RGS21: variants seen among roughly 807,000 people sequenced by gnomAD.
RGS21 encodes regulator of G protein signaling 21, also known as regulator of G-protein signalling 21.
Under a neutral mutation model 18.7 loss-of-function variants are expected in RGS21, and 19 were observed. The ratio of observed to expected loss-of-function variants is 1.01; its 90% CI spans 0.71 to 1.49. The LOEUF (loss-of-function observed/expected upper bound fraction) is 1.49. Ranked by LOEUF, RGS21 falls within the 40% of genes most tolerant of loss-of-function variation. The pLI is 0.00. For synonymous variants in RGS21, 56 were observed against 57.8 expected, an observed-to-expected ratio of 0.97 and a Z score of 0.14; for missense variants, 194 against 176.8, an observed-to-expected ratio of 1.10 and a Z score of -0.55.
intron 1 of RGS21, among the ~76,000 whole-genome samples, chr1:192,328,519 C>T (rs1658601266): frequency 6.6e-6 from 1 of 152,086 alleles, no homozygotes; most frequent in African/African-American, 2.4e-5. Context: ...CTATGCTAGG[C>T]CATTATATTA....
chr1:192,349,833 C>T (rs1415900496), intron 3 of RGS21, among the ~76,000 whole-genome samples: 1 of 152,138 alleles, frequency 6.6e-6, no homozygotes, highest in East Asian at 1.9e-4. Context: ...TGATCTCTAA[C>T]TTCCCATCTC....
chr1:192,343,456 G>T (rs1658903552), intron 2 of RGS21, among the ~76,000 whole-genome samples: 1 of 152,074 alleles, frequency 6.6e-6, no homozygotes. Flanking sequence ...CTCCTTGCTT[G>T]AGTTTTCCAT....
intron 4 of RGS21, among the ~76,000 whole-genome samples, chr1:192,362,859 A>T (rs1571465134): frequency 6.6e-6 from 1 of 152,168 alleles, no homozygotes; most frequent in East Asian, 1.9e-4. Flanking sequence ...TTCACTGCTT[A>T]TACATGTATT....
chr1:192,332,111 C>T (rs925856768), intron 1 of RGS21, among the ~76,000 whole-genome samples: 1 of 151,918 alleles, frequency 6.6e-6, no homozygotes, highest in African/African-American at 2.4e-5. Context: ...AGAAAACAGA[C>T]TTGAAAAGAG....
At chr1:192,318,928 A>C (rs977562014) in intron 1 of RGS21, among the ~76,000 whole-genome samples, 22 of 152,066 alleles carry the variant, frequency 1.4e-4, no homozygotes, top group African/African-American at 5.3e-4. Flanking sequence ...GGCAGAATAA[A>C]ATCCATTTTA....
chr1:192,349,614 G>C (rs142600494), intron 3 of RGS21, among the ~76,000 whole-genome samples: 1 of 152,076 alleles, frequency 6.6e-6, no homozygotes, highest in African/African-American at 2.4e-5. Context: ...GGCATCTTTT[G>C]AACATTCAAA....
chr1:192,344,274 A>G lies in RGS21; in HGVS notation c.11+1227A>G, dbSNP rs111880370. On this transcript the variant is annotated intron_variant, in intron 2 of 4. Coordinates refer to ENST00000417209, the MANE Select transcript of RGS21 (RefSeq NM_001039152.3). ...TTAGGTAGTTATTATAAATGTTCCA[A>G]AACATGAATAAAGTACAAATATATA... 1.4e-3 allele frequency among the ~76,000 whole-genome samples: 210 copies of G among 152,214 alleles called. 3 individuals are homozygous for G. The highest frequency in any genetic ancestry group is 4.7e-3 in the African/African-American group (197 of 41,568).
chr1:192,339,635 C>T (rs550748023), intron 1 of RGS21, among the ~76,000 whole-genome samples: 5 of 152,100 alleles, frequency 3.3e-5, no homozygotes, highest in African/African-American at 1.2e-4. Context: ...AGACGTAATA[C>T]CAATGATGTT....
chr1:192,352,082 G>A lies in RGS21; in HGVS notation c.124G>A (p.Glu42Lys), dbSNP rs754334215. 6.2e-7 allele frequency: 1 copy of A among 1,601,058 alleles called. No homozygotes were observed. Among genetic ancestry groups the A allele is most frequent in the Non-Finnish European group, 8.5e-7 (1 of 1,175,492 alleles). Residue 42 changes from glutamate (E) to lysine (K), a missense_variant, in exon 4 of 5, where the codon GAG becomes AAG. Glu to Lys is a moderately conservative substitution (Grantham distance 56, BLOSUM62 1). Coordinates refer to ENST00000417209, the MANE Select transcript of RGS21 (RefSeq NM_001039152.3). ...LDAFRIFLKS[E>K]FSEENVEFWL... ...TGCTTTTCGAATATTTCTAAAATCA[G>A]AGTTTAGTGAAGAAAATGTTGAGTT...
Position 192,343,409 on chromosome 1 carries a change from G to A in RGS21, c.11+362G>A, listed in dbSNP as rs148509550. Among the ~76,000 whole-genome samples the A allele has an allele frequency of 6.2e-3, 940 of 152,066 alleles. 5 individuals are homozygous for A. The highest frequency in any genetic ancestry group is 0.011 in the Non-Finnish European group (716 of 67,970). On this transcript the variant is annotated intron_variant, in intron 2 of 4. Coordinates refer to ENST00000417209, the MANE Select transcript of RGS21 (RefSeq NM_001039152.3). The stretch of plus-strand genomic sequence containing the variant: ...AATTTTACATGGATATTAAATGCTG[G>A]GTAAGGAAGCAGCTGTCACTTCCTG...
chr1:192,363,825 G>A (rs992754960), intron 4 of RGS21, among the ~76,000 whole-genome samples: 1 of 152,026 alleles, frequency 6.6e-6, no homozygotes, highest in Non-Finnish European at 1.5e-5. Flanking sequence ...TAGGGACTCT[G>A]TGTTTATTTG....
intron 1 of RGS21, among the ~76,000 whole-genome samples, chr1:192,340,411 G>T (rs980944401): frequency 9.9e-5 from 15 of 152,108 alleles, no homozygotes; most frequent in Non-Finnish European, 2.9e-5. Flanking sequence ...ACTCAGAAAG[G>T]TCAAGGTTAT....
chr1:192,323,576 G>C (rs1026517624), intron 1 of RGS21, among the ~76,000 whole-genome samples: 1 of 152,036 alleles, frequency 6.6e-6, no homozygotes, highest in Non-Finnish European at 1.5e-5. Context: ...GTAGATGATT[G>C]AAAAATTGAC....
chr1:192,324,422 T>C (rs768333809), intron 1 of RGS21, among the ~76,000 whole-genome samples: 2 of 152,094 alleles, frequency 1.3e-5, no homozygotes, highest in African/African-American at 2.4e-5. Flanking sequence ...CACTTAACAA[T>C]TTCATATAGC....
chr1:192,328,921 T>C (rs775414121), intron 1 of RGS21, among the ~76,000 whole-genome samples: 3 of 152,110 alleles, frequency 2.0e-5, no homozygotes, highest in Non-Finnish European at 2.9e-5. Flanking sequence ...TGAAGTCTCA[T>C]ACATTCACAT....
intron 1 of RGS21, among the ~76,000 whole-genome samples, chr1:192,337,916 T>A (rs1000494102): frequency 2.0e-5 from 3 of 152,162 alleles, no homozygotes; most frequent in African/African-American, 7.2e-5. Flanking sequence ...TTTACTTACA[T>A]CAGAAATCTT....
At chr1:192,332,063 T>C (rs1209954531) in intron 1 of RGS21, among the ~76,000 whole-genome samples, 1 of 152,088 alleles carries the variant, frequency 6.6e-6, no homozygotes, top group Non-Finnish European at 1.5e-5. Context: ...AAATTCAGGA[T>C]GTTCATAATC....
intron 1 of RGS21, among the ~76,000 whole-genome samples, chr1:192,322,665 G>A (rs905196271): frequency 2.0e-5 from 3 of 151,950 alleles, no homozygotes; most frequent in Admixed American, 2.0e-4. Context: ...AGGATCCCAC[G>A]CTAGAGCACA....
intron 1 of RGS21, among the ~76,000 whole-genome samples, chr1:192,339,341 T>C (rs1194058144): frequency 6.6e-6 from 1 of 152,088 alleles, no homozygotes; most frequent in Admixed American, 6.6e-5. Context: ...CCTTTAATGA[T>C]GAAGTATAAA....
Sources: allele counts gnomAD v4.1 joint callset (sites outside exome capture counted in the v4.1 genomes callset), GRCh38; gene constraint gnomAD v4.1.1; transcripts MANE v1.5; gene names NCBI Gene and HGNC (gene_info 2026-07-23, HGNC 2026-07-21).